The following TENM1 variants were observed in gnomAD, a reference collection of about 807,000 sequenced individuals.
The protein encoded by TENM1 is teneurin transmembrane protein 1.
In TENM1, 35 loss-of-function variants were observed where a neutral mutation model predicts 174.8. The observed-to-expected ratio is 0.20, with a 90% CI of 0.15 to 0.27. The LOEUF (loss-of-function observed/expected upper bound fraction) is 0.27, where lower values mean the gene tolerates loss of function less well. TENM1 is among the 10% of genes least tolerant of loss of function. TENM1 has a pLI of 1.00. For missense variants in TENM1, 1,633 were observed against 2,130.1 expected (o/e 0.77, Z 4.59); for synonymous variants, 781 against 798.7 (o/e 0.98, Z 0.37).
At chrX:124,780,253 C>T (rs1056439549) in intron 3 of TENM1, among the ~76,000 whole-genome samples, 2 of 112,321 alleles carry the variant, frequency 1.8e-5, no homozygotes, top group African/African-American at 3.2e-5. Flanking sequence ...AATTACAACC[C>T]TTCAAGGACC....
intron 3 of TENM1, among the ~76,000 whole-genome samples, chrX:124,771,971 A>T (rs1009522103): frequency 1.8e-5 from 2 of 112,025 alleles, no homozygotes; most frequent in Non-Finnish European, 3.8e-5. Context: ...GTTACTTTCA[A>T]ATGCACTGTA....
At chrX:124,826,037 ATT>A (rs1295908650) in intron 3 of TENM1, among the ~76,000 whole-genome samples, 1 of 111,733 alleles carries the variant, frequency 8.9e-6, no homozygotes, top group Non-Finnish European at 1.9e-5. Flanking sequence ...TGTCTGACCT[ATT>A]ATTTTACTGC....
intron 3 of TENM1, among the ~76,000 whole-genome samples, chrX:124,780,247 A>G (rs2147170986): frequency 8.9e-6 from 1 of 112,553 alleles, no homozygotes; most frequent in East Asian, 2.8e-4. Context: ...GGTTAAAATT[A>G]CAACCCTTCA....
chrX:124,380,825 C>T, exon 32 of TENM1: 1 of 1,211,575 alleles, frequency 8.3e-7, no homozygotes, highest in Non-Finnish European at 1.1e-6. Flanking sequence ...GATGTTGAAG[C>T]ACAGGGCTCC....
intron 3 of TENM1, among the ~76,000 whole-genome samples, chrX:124,768,422 T>C (rs1478043000): frequency 1.8e-5 from 2 of 111,960 alleles, no homozygotes; most frequent in Non-Finnish European, 3.8e-5. Flanking sequence ...GGTATCCAAA[T>C]CTTTCTCATC....
chrX:124,483,316 T>C (rs2046884465), intron 21 of TENM1, among the ~76,000 whole-genome samples: 1 of 111,611 alleles, frequency 9.0e-6, no homozygotes. Context: ...CATATTAAAT[T>C]ATTTGTTTAT....
chrX:124,627,222 T>C (rs1397128265), intron 11 of TENM1, among the ~76,000 whole-genome samples: 1 of 111,329 alleles, frequency 9.0e-6, no homozygotes, highest in Non-Finnish European at 1.9e-5. Flanking sequence ...GCTCCCATTA[T>C]GGATGAATTG....
intron 4 of TENM1, among the ~76,000 whole-genome samples, chrX:124,725,971 C>T (rs934849081): frequency 1.1e-4 from 12 of 112,047 alleles, no homozygotes; most frequent in African/African-American, 3.9e-4. Flanking sequence ...TGTTCAAAAC[C>T]ATACATCTCT....
chrX:125,051,374 C>T, the TENM1 span, among the ~76,000 whole-genome samples: 2 of 109,489 alleles, frequency 1.8e-5, no homozygotes, highest in African/African-American at 3.3e-5. Context: ...AAAAAAGAGC[C>T]CGCATCGCCA....
chrX:124,700,407 C>A (rs1387175008), intron 5 of TENM1, among the ~76,000 whole-genome samples: 1 of 111,838 alleles, frequency 8.9e-6, no homozygotes, highest in Middle Eastern at 4.3e-3. Context: ...CATAATAATT[C>A]TATTTCACTA....
At chrX:124,501,290 T>C (rs2047324160) in intron 19 of TENM1, among the ~76,000 whole-genome samples, 1 of 111,919 alleles carries the variant, frequency 8.9e-6, no homozygotes, top group South Asian at 3.8e-4. Flanking sequence ...TTTCTGATGT[T>C]TTTATCTCAG....
intron 3 of TENM1, among the ~76,000 whole-genome samples, chrX:124,881,882 C>A (rs772818105): frequency 9.0e-6 from 1 of 110,947 alleles, no homozygotes. Flanking sequence ...GCACCTGCCA[C>A]CATGCCCGGC....
At chrX:124,859,555 A>C (rs974579843) in intron 3 of TENM1, among the ~76,000 whole-genome samples, 4 of 110,216 alleles carry the variant, frequency 3.6e-5, no homozygotes, top group African/African-American at 1.3e-4. Context: ...AAAAAAAAAA[A>C]AAAACAAAAA....
At chrX:124,520,484 T>C in intron 18 of TENM1, 33 bp downstream of exon 21, 3 of 1,134,779 alleles carry the variant, frequency 2.6e-6, no homozygotes, top group Non-Finnish European at 1.2e-6. Context: ...GTGCATGTAA[T>C]ACTGCTATTT....
chrX:125,036,772 C>G, the TENM1 span, among the ~76,000 whole-genome samples: 1 of 111,571 alleles, frequency 9.0e-6, no homozygotes, highest in East Asian at 2.8e-4. Context: ...TGCAAAATGA[C>G]TTAATTTGAA....
the TENM1 span, among the ~76,000 whole-genome samples, chrX:125,122,024 T>G: frequency 8.9e-6 from 1 of 112,255 alleles, no homozygotes; most frequent in Non-Finnish European, 1.9e-5. Context: ...CAGGGAGCTA[T>G]GCTCATGCCA....
intron 1 of TENM1, among the ~76,000 whole-genome samples, chrX:124,917,818 G>T (rs5958624): frequency 0.058 from 6,479 of 111,562 alleles, 463 homozygotes; most frequent in African/African-American, 0.2. Context: ...ACTGGGTTAT[G>T]TGCTTTTCTC....
intron 3 of TENM1, among the ~76,000 whole-genome samples, chrX:124,801,281 G>A (rs1869040985): frequency 9.0e-6 from 1 of 111,227 alleles, no homozygotes; most frequent in Non-Finnish European, 1.9e-5. Flanking sequence ...TTGGTGTATT[G>A]GGTGTATATA....
intron 9 of TENM1, among the ~76,000 whole-genome samples, chrX:124,646,448 T>C (rs1011325065): frequency 8.9e-6 from 1 of 112,419 alleles, no homozygotes; most frequent in Non-Finnish European, 1.9e-5. Context: ...TGGCATTGTT[T>C]CTTTGCCCAT....
Sources: allele counts gnomAD v4.1 joint callset (sites outside exome capture counted in the v4.1 genomes callset), GRCh38; gene constraint gnomAD v4.1.1; transcripts MANE v1.5; gene names NCBI Gene and HGNC (gene_info 2026-07-23, HGNC 2026-07-21).